The following CAPN2 variants were observed in gnomAD, a reference collection of about 807,000 sequenced individuals.
The protein encoded by CAPN2 is calpain 2.
A neutral mutation model predicts 102.3 loss-of-function variants in CAPN2; 92 were observed. That is an observed-to-expected ratio of 0.90 (90% CI 0.76 to 1.07). The LOEUF (loss-of-function observed/expected upper bound fraction) is 1.07, where lower values mean the gene tolerates loss of function less well. Ranked by LOEUF, CAPN2 falls within the 50% of genes least tolerant of loss-of-function variation. CAPN2 has a pLI of 0.00. For synonymous variants in CAPN2, 340 were observed against 355.4 expected (o/e 0.96, Z 0.49); for missense variants, 800 against 909.4 (o/e 0.88, Z 1.55).
intron 16 of CAPN2, among the ~76,000 whole-genome samples, chr1:223,767,172 C>CA (rs910300172): frequency 5.3e-5 from 8 of 150,574 alleles, no homozygotes; most frequent in African/African-American, 2.0e-4. Context: ...TCGTCGTCTT[C>CA]TTTATTTATT....
Position 223,770,441 on chromosome 1 carries a change from T to A in CAPN2, c.1825-6T>A. On this transcript the variant is annotated splice_polypyrimidine_tract_variant and splice_region_variant and intron_variant, in intron 17 of 20. Transcript: ENST00000295006. ...ATAGTTCTTACAGCTAACTTATGTGTTCCAGAAAATTTACCGAGAAATCGA... is the reference window on the plus strand; with the variant it reads ...ATAGTTCTTACAGCTAACTTATGTGATCCAGAAAATTTACCGAGAAATCGA... 1 of 1,610,812 alleles carries A rather than the reference T, an allele frequency of 6.2e-7. No individual in the cohort carries two copies. Among genetic ancestry groups the A allele is most frequent in the Non-Finnish European group, 8.5e-7 (1 of 1,177,102 alleles).
intron 2 of CAPN2, among the ~76,000 whole-genome samples, chr1:223,737,813 A>T (rs1237949878): frequency 6.7e-6 from 1 of 150,180 alleles, no homozygotes; most frequent in East Asian, 2.0e-4. Flanking sequence ...CAAAACCGGG[A>T]GAGGGGAAAA....
At chr1:223,772,718 G>A (rs535566221) in intron 20 of CAPN2, 76 of 156,530 alleles carry the variant, frequency 4.9e-4, no homozygotes, top group Non-Finnish European at 8.5e-4. Context: ...AAATACGTTT[G>A]CCATTTATTA....
chr1:223,714,140 C>G (rs142942507), intron 1 of CAPN2, among the ~76,000 whole-genome samples: 1,877 of 152,286 alleles, frequency 0.012, 20 homozygotes, highest in Non-Finnish European at 0.019. Flanking sequence ...GCCACCTCCC[C>G]ACCTTGTTTT....
chr1:223,772,145 A>T, intron 19 of CAPN2, 36 bp from the exon 20 acceptor site: 1 of 1,594,580 alleles, frequency 6.3e-7, no homozygotes, highest in Non-Finnish European at 8.6e-7. Flanking sequence ...GTTTCAGCTC[A>T]CTCACTTGTG....
At position 223,755,377 on chromosome 1, in the gene CAPN2, T is replaced by C. The variant is rs1661006718; in HGVS notation, c.1136-103T>C. 11 of 1,137,358 alleles carry C rather than the reference T, an allele frequency of 9.7e-6. No homozygotes were observed. The highest frequency in any genetic ancestry group is 2.8e-4 in the Middle Eastern group (1 of 3,600). The allele number at this position is 1,137,358 out of a possible 1,614,324, so 70.5% of individuals were successfully genotyped here. A position where few individuals can be genotyped will look rare whatever the true frequency, so the allele number is the denominator to read the frequency against. ...CACCACCTCCCACCATCTCCCTTTATCTCCATCCCTCTCAGAAGCCTCCAA... is the reference window on the plus strand; with the variant it reads ...CACCACCTCCCACCATCTCCCTTTACCTCCATCCCTCTCAGAAGCCTCCAA... On this transcript the variant is annotated intron_variant, in intron 9 of 20. Transcript: ENST00000295006. This position sits in a 1 kb window ranked among gnomAD's most constrained non-coding sequence, Gnocchi z 4.1.
chr1:223,742,385 T>C (rs1010897157), intron 2 of CAPN2, among the ~76,000 whole-genome samples: 9 of 151,792 alleles, frequency 5.9e-5, no homozygotes, highest in African/African-American at 2.2e-4. Context: ...AGAGCGAGAC[T>C]GTCTCAAAAA....
chr1:223,702,230 A>C (rs1170441899), intron 1 of CAPN2, among the ~76,000 whole-genome samples: 2 of 152,064 alleles, frequency 1.3e-5, no homozygotes, highest in Non-Finnish European at 2.9e-5. Flanking sequence ...GTTCAAGACC[A>C]GCCTGGCTAA....
At chr1:223,701,995 C>T (rs1212347925) in intron 1 of CAPN2, among the ~76,000 whole-genome samples, 4 of 62,496 alleles carry the variant, frequency 6.4e-5, no homozygotes, top group African/African-American at 9.4e-5. Flanking sequence ...CAACAGACTC[C>T]GTCTCAAAAA....
At chr1:223,751,642 T>A (rs1553255086) in intron 7 of CAPN2, among the ~76,000 whole-genome samples, 1 of 143,802 alleles carries the variant, frequency 7.0e-6, no homozygotes, top group Admixed American at 7.0e-5. Flanking sequence ...CCTCATCAGA[T>A]CTTCAGTTGT....
At chr1:223,762,547 T>C (rs375508739) in intron 14 of CAPN2, among the ~76,000 whole-genome samples, 4 of 152,200 alleles carry the variant, frequency 2.6e-5, no homozygotes, top group African/African-American at 4.8e-5. Flanking sequence ...TCTACACCAA[T>C]TGAGGCATGA....
chr1:223,760,558 T>C (rs1355315545), intron 12 of CAPN2, among the ~76,000 whole-genome samples: 3 of 152,192 alleles, frequency 2.0e-5, no homozygotes, highest in Non-Finnish European at 2.9e-5. Flanking sequence ...GAAGGGACCT[T>C]TCCTCTCAGC....
intron 20 of CAPN2, 167 bp downstream of exon 20, chr1:223,772,406 G>A (rs146625941): frequency 5.2e-6 from 3 of 571,952 alleles, no homozygotes; most frequent in Non-Finnish European, 9.3e-6. Flanking sequence ...ACTTTTACTT[G>A]CAGTTGTTTT....
chr1:223,707,192 A>T (rs1414373944), intron 1 of CAPN2, among the ~76,000 whole-genome samples: 1 of 151,954 alleles, frequency 6.6e-6, no homozygotes, highest in Non-Finnish European at 1.5e-5. Flanking sequence ...AAAAGATTCC[A>T]TTGCCATGGC....
Position 223,770,474 on chromosome 1 carries a change from A to G in CAPN2, c.1852A>G (p.Arg618Gly), listed in dbSNP as rs746809519. 13 of 1,613,732 alleles carry G rather than the reference A, an allele frequency of 8.1e-6. No individual in the cohort carries two copies. In the East Asian group the frequency reaches 2.2e-4, roughly 28 times the overall value. ...AATTTACCGAGAAATCGACGTTGAC[A>G]GGTCTGGTACCATGAATTCCTATGA... ...QKIYREIDVD[R>G]SGTMNSYEMR... Residue 618 changes from arginine to glycine, a missense_variant, in exon 18 of 21, where the codon AGG becomes GGG. Physicochemically the swap from Arg to Gly is moderately radical, Grantham distance 125. Transcript: ENST00000295006.
At chr1:223,718,209 A>G (rs1230173635) in intron 2 of CAPN2, among the ~76,000 whole-genome samples, 2 of 152,364 alleles carry the variant, frequency 1.3e-5, no homozygotes, top group South Asian at 2.1e-4. Context: ...CCCCAGACCA[A>G]TGACAGCACT....
At chr1:223,766,684 C>T (rs1297608055) in intron 16 of CAPN2, among the ~76,000 whole-genome samples, 2 of 152,182 alleles carry the variant, frequency 1.3e-5, no homozygotes, top group African/African-American at 2.4e-5. Flanking sequence ...CCATGGCGGG[C>T]GGTGGCTCAT....
chr1:223,707,962 AG>A (rs1235434297), upstream of CAPN2, among the ~76,000 whole-genome samples: 1 of 152,240 alleles, frequency 6.6e-6, no homozygotes, highest in Non-Finnish European at 1.5e-5. Flanking sequence ...CAGAAGGACA[AG>A]CTTTCTCCCA....
chr1:223,703,151 T>A (rs1246838636), intron 1 of CAPN2, among the ~76,000 whole-genome samples: 1 of 152,162 alleles, frequency 6.6e-6, no homozygotes, highest in East Asian at 1.9e-4. Flanking sequence ...CAGTTTTGCA[T>A]TCAAATGCCA....
Sources: allele counts gnomAD v4.1 joint callset (sites outside exome capture counted in the v4.1 genomes callset), GRCh38; gene constraint gnomAD v4.1.1; non-coding constraint Gnocchi (gnomAD v3.1); transcripts MANE v1.5; gene names NCBI Gene and HGNC (gene_info 2026-07-23, HGNC 2026-07-21).